CYP4Z1: variants seen among roughly 807,000 people sequenced by gnomAD.
CYP4Z1 encodes the protein cytochrome P450 4Z1.
CYP4Z1 carries 41 observed loss-of-function variants against 54.2 expected under a neutral mutation model. The observed-to-expected ratio is 0.76, with a 90% confidence interval of 0.59 to 0.98. The LOEUF (loss-of-function observed/expected upper bound fraction) is 0.98. CYP4Z1 is among the 50% of genes least tolerant of loss of function. The pLI is 0.00. For missense variants in CYP4Z1, 513 were observed against 599.0 expected (o/e 0.86, Z 1.50); for synonymous variants, 163 against 206.2 (o/e 0.79, Z 1.79).
chr1:47,060,855 T>G, the CYP4Z1 span, among the ~76,000 whole-genome samples: 1 of 152,084 alleles, frequency 6.6e-6, no homozygotes, highest in African/African-American at 2.4e-5. Flanking sequence ...CCAAACACAC[T>G]GTCAGAGCAC....
At chr1:47,114,279 T>G (rs543022296) in intron 9 of CYP4Z1, among the ~76,000 whole-genome samples, 1 of 152,328 alleles carries the variant, frequency 6.6e-6, no homozygotes, top group South Asian at 2.1e-4. Flanking sequence ...CCTTACACCT[T>G]ATACAAAAAT....
At chr1:47,101,010 T>A (rs986903192) in intron 8 of CYP4Z1, among the ~76,000 whole-genome samples, 1 of 152,212 alleles carries the variant, frequency 6.6e-6, no homozygotes, top group Non-Finnish European at 1.5e-5. Flanking sequence ...CAGGAATTTA[T>A]CCATTTCTTC....
At chr1:47,117,542 G>A (rs111354458) in intron 11 of CYP4Z1, among the ~76,000 whole-genome samples, 10 of 152,124 alleles carry the variant, frequency 6.6e-5, no homozygotes, top group African/African-American at 2.4e-4. Context: ...CTTGAGATCA[G>A]GAATTTGAGA....
chr1:47,064,484 GACAA>G (rs1454182188), upstream of CYP4Z1, among the ~76,000 whole-genome samples: 1 of 152,076 alleles, frequency 6.6e-6, no homozygotes, highest in Non-Finnish European at 1.5e-5. Context: ...GTCTTTTCCA[GACAA>G]ACAAATGCTG....
chr1:47,094,909 G>A (rs1307140176), intron 7 of CYP4Z1, among the ~76,000 whole-genome samples: 1 of 152,152 alleles, frequency 6.6e-6, no homozygotes, highest in Non-Finnish European at 1.5e-5. Flanking sequence ...TTGGGAGGCT[G>A]AGGTGGGAGA....
intron 6 of CYP4Z1, among the ~76,000 whole-genome samples, chr1:47,088,048 C>T (rs982467460): frequency 2.0e-5 from 3 of 152,178 alleles, no homozygotes; most frequent in African/African-American, 7.2e-5. Flanking sequence ...ATGAAGCCCA[C>T]TTGATCATGG....
rs778892880 is a variant in CYP4Z1 at position 47,068,672 on chromosome 1, C to T, written c.228C>T (p.Tyr76=). The change falls in exon 2 of 12, where the codon TAC becomes TAT. Residue 76 remains tyrosine (Y), a synonymous_variant. Transcript: ENST00000334194. ...TGTATCATAAGCTGATGGAAAAATA[C>T]CCATGTGCTGTTCCCTTGTGGGTTG... is the stretch of plus-strand genomic sequence containing the variant. ...FEVYHKLMEK[Y]PCAVPLWVGP... The T allele has an allele frequency of 3.3e-5, 53 of 1,614,142 alleles. No homozygotes were observed. Among genetic ancestry groups the T allele is most frequent in the Middle Eastern group, 3.3e-4 (2 of 6,060 alleles).
intron 2 of CYP4Z1, among the ~76,000 whole-genome samples, chr1:47,077,003 A>G (rs1644528800): frequency 6.6e-6 from 1 of 151,838 alleles, no homozygotes; most frequent in South Asian, 2.1e-4. Flanking sequence ...GTGACTTACC[A>G]TATGATCTAT....
Position 47,094,589 on chromosome 1 carries a change from G to T in CYP4Z1, c.796G>T (p.Glu266Ter). ...FTEKVIQDRK[E>*]SLKDKLKQDT... ...AGAGAAAGTAATCCAGGACCGGAAG[G>T]AGTCTCTTAAGGATAAGCTAAAACA... Residue 266 changes from glutamate (E) to a stop codon, truncating the protein, a stop_gained, in exon 7 of 12, where the codon GAG (glutamate) becomes TAG (stop). Transcript: ENST00000334194. LOFTEE classifies it high-confidence loss of function. 1 of 1,599,208 alleles carries T rather than the reference G, an allele frequency of 6.3e-7. No individual in the cohort carries two copies. Among genetic ancestry groups the T allele is most frequent in the Non-Finnish European group, 8.5e-7 (1 of 1,175,254 alleles).
chr1:47,086,624 T>G (rs1337990243), intron 6 of CYP4Z1, among the ~76,000 whole-genome samples: 1 of 152,144 alleles, frequency 6.6e-6, no homozygotes, highest in Non-Finnish European at 1.5e-5. Flanking sequence ...ATTGCAAAAA[T>G]TTTCTCCCAT....
At position 47,112,608 on chromosome 1, in the gene CYP4Z1, T is replaced by C. The variant is rs149282329; in HGVS notation, c.1202-2921T>C. ...ATTTTAAATAAAATATTAGTACACA[T>C]AATCCAATAGCTCATTGAAATAAAT... On this transcript the variant is annotated intron_variant, in intron 9 of 11. Coordinates refer to ENST00000334194, the MANE Select transcript of CYP4Z1 (RefSeq NM_178134.3). Among the ~76,000 whole-genome samples, 623 of 152,242 alleles carry C rather than the reference T, an allele frequency of 4.1e-3. 3 individuals carry two copies. Among genetic ancestry groups the C allele is most frequent in the African/African-American group, 0.014 (583 of 41,542 alleles).
intron 6 of CYP4Z1, among the ~76,000 whole-genome samples, chr1:47,086,246 C>A (rs917853189): frequency 8.5e-5 from 13 of 152,286 alleles, no homozygotes; most frequent in Admixed American, 5.2e-4. Context: ...ATTTCTACTT[C>A]TAGATCCTTG....
At chr1:47,068,910 C>T (rs773871075) in intron 2 of CYP4Z1, 147 bp downstream of exon 2, 5 of 1,084,242 alleles carry the variant, frequency 4.6e-6, no homozygotes, top group Middle Eastern at 3.1e-4. Flanking sequence ...TCCTCCTCAA[C>T]ATCATAGTCA....
intron 9 of CYP4Z1, among the ~76,000 whole-genome samples, chr1:47,115,230 G>C (rs1020026295): frequency 2.6e-5 from 4 of 152,048 alleles, no homozygotes; most frequent in African/African-American, 7.2e-5. Flanking sequence ...CTCACTCATA[G>C]GTGGGAATTG....
rs924166590 is a variant in CYP4Z1 at position 47,118,077 on chromosome 1, C to G, written c.*143C>G. ...GATACTTCTGACTGGTTTTGACATC[C>G]ATTAACAGTAATTTTAATTTCTTTG... is the stretch of plus-strand genomic sequence containing the variant. On this transcript the variant is annotated 3_prime_UTR_variant, in exon 12 of 12. Transcript: ENST00000334194. 1.2e-6 allele frequency: 1 copy of G among 841,106 alleles called. No individual in the cohort carries two copies. Among genetic ancestry groups the G allele is most frequent in the African/African-American group, 1.7e-5 (1 of 57,950 alleles). 52.1% of individuals were successfully genotyped at this position (841,106 alleles called of 1,614,324 possible).
intron 6 of CYP4Z1, among the ~76,000 whole-genome samples, chr1:47,094,254 C>G (rs1644659962): frequency 6.6e-6 from 1 of 152,170 alleles, no homozygotes; most frequent in South Asian, 2.1e-4. Flanking sequence ...ACAAATTTTA[C>G]AACCTTTGAA....
rs1319397097 is a variant in CYP4Z1, at chr1:47,116,687, A to G, written c.1304A>G (p.Glu435Gly). The change falls in exon 11 of 12, where the codon GAA (glutamate) becomes GGA (glycine). Residue 435 changes from glutamate (E) to glycine (G), a missense_variant. Transcript: ENST00000334194. ...NPLRFSRENSEKIHPYAFIPF... is the reference protein window; with the variant it reads ...NPLRFSRENSGKIHPYAFIPF... ...TTGAGATTCTCCAGGGAAAATTCTG[A>G]AAAAATACATCCCTATGCCTTCATA... The G allele has an allele frequency of 6.2e-7, 1 of 1,611,832 alleles. No homozygotes were observed. Among genetic ancestry groups the G allele is most frequent in the East Asian group, 2.2e-5 (1 of 44,824 alleles).
intron 9 of CYP4Z1, among the ~76,000 whole-genome samples, chr1:47,108,297 T>C (rs10890458): frequency 0.46 from 67,787 of 148,422 alleles, 14,127 homozygotes; most frequent in East Asian, 0.96. Flanking sequence ...CAACTTCCCC[T>C]TTGGCAATGC....
At chr1:47,074,486 A>T (rs1398497110) in intron 2 of CYP4Z1, among the ~76,000 whole-genome samples, 1 of 152,078 alleles carries the variant, frequency 6.6e-6, no homozygotes, top group Non-Finnish European at 1.5e-5. Context: ...ATGTGATTTC[A>T]TTGTTTTTTT....
Sources: gnomAD v4.1 joint callset for allele counts (sites outside exome capture counted in the v4.1 genomes callset) on GRCh38, gnomAD v4.1.1 for gene constraint, MANE v1.5 for transcripts, NCBI Gene and HGNC (gene_info 2026-07-23, HGNC 2026-07-21) for gene names.